The following FOCAD variants were observed in gnomAD, a reference collection of about 807,000 sequenced individuals.
The protein encoded by FOCAD is KIAA1797.
A neutral mutation model predicts 225.6 loss-of-function variants in FOCAD; 198 were observed. The observed-to-expected ratio is 0.88, with a 90% CI of 0.78 to 0.99. FOCAD has a LOEUF of 0.99. Ranked by LOEUF, FOCAD falls within the 50% of genes least tolerant of loss-of-function variation. FOCAD has a pLI of 0.00. For missense variants in FOCAD, 2,713 were observed against 2,123.6 expected, an observed-to-expected ratio of 1.28 and a Z score of -5.46; for synonymous variants, 897 against 755.0, an observed-to-expected ratio of 1.19 and a Z score of -3.08.
At chr9:20,844,822 A>G (rs535902573) in intron 15 of FOCAD, among the ~76,000 whole-genome samples, 1 of 152,250 alleles carries the variant, frequency 6.6e-6, no homozygotes, top group South Asian at 2.1e-4. Flanking sequence ...TAAGTTAATA[A>G]TGAAGTTAAT....
At chr9:20,762,459 G>A (rs1326552249) in intron 6 of FOCAD, among the ~76,000 whole-genome samples, 1 of 152,058 alleles carries the variant, frequency 6.6e-6, no homozygotes, top group Non-Finnish European at 1.5e-5. Context: ...TTTATTTCTT[G>A]TTTTGTTTCC....
At chr9:20,761,589 T>G (rs1402967100) in intron 6 of FOCAD, among the ~76,000 whole-genome samples, 1 of 151,864 alleles carries the variant, frequency 6.6e-6, no homozygotes, top group Non-Finnish European at 1.5e-5. Context: ...CCTGGCTAAT[T>G]TTTTGTATTT....
At chr9:20,775,726 T>A (rs1334408025) in intron 8 of FOCAD, among the ~76,000 whole-genome samples, 1 of 152,164 alleles carries the variant, frequency 6.6e-6, no homozygotes, top group East Asian at 1.9e-4. Flanking sequence ...GCCTGGTGCA[T>A]AGGTGATGTT....
At position 20,688,319 on chromosome 9, in the gene FOCAD, T is replaced by G. The variant is rs1461551947; in HGVS notation, c.-33+4026T>G. ...AGAAGAGGATGAATTCCAGATATAT[T>G]AAGGTGATTGAGTTAGTGGCCAGAT... is the stretch of plus-strand genomic sequence containing the variant. On this transcript the variant is annotated intron_variant, in intron 1 of 43. Transcript: ENST00000338382. Among the ~76,000 whole-genome samples the G allele has an allele frequency of 2.6e-5, 4 of 152,162 alleles. No individual in the cohort carries two copies. In the East Asian group the frequency reaches 7.7e-4, roughly 29 times the overall value.
chr9:20,698,218 T>G lies in FOCAD; in HGVS notation c.-33+13925T>G, dbSNP rs1463936397. On this transcript the variant is annotated intron_variant, in intron 1 of 43. Transcript: ENST00000338382. ...CCCATTGTAAGAACAAAATTAAAAG[T>G]AGCAAAGGCGGAATACAGTAGGTTA... Among the ~76,000 whole-genome samples, 5 of 152,314 alleles carry G rather than the reference T, an allele frequency of 3.3e-5. No homozygotes were observed. In the East Asian group the frequency reaches 9.6e-4, roughly 29 times the overall value.
chr9:20,918,254 G>A (rs1171589066), intron 24 of FOCAD, among the ~76,000 whole-genome samples: 1 of 152,152 alleles, frequency 6.6e-6, no homozygotes, highest in Non-Finnish European at 1.5e-5. Context: ...TTCTCCTAAA[G>A]CAAATTATAA....
intron 4 of FOCAD, among the ~76,000 whole-genome samples, chr9:20,732,656 T>G (rs988096048): frequency 6.6e-6 from 1 of 152,078 alleles, no homozygotes; most frequent in Non-Finnish European, 1.5e-5. Flanking sequence ...GTATGAAGAT[T>G]AAAATGGAAA....
chr9:20,953,886 A>G (rs1837908757), intron 35 of FOCAD, among the ~76,000 whole-genome samples: 1 of 152,192 alleles, frequency 6.6e-6, no homozygotes, highest in African/African-American at 2.4e-5. Context: ...TTAGAAAGGA[A>G]AAAAATAAAC....
At position 20,953,847 on chromosome 9, in the gene FOCAD, G is replaced by A. The variant is rs117636583; in HGVS notation, c.4132+782G>A. Among the ~76,000 whole-genome samples, 1,201 of 152,088 alleles carry A rather than the reference G, an allele frequency of 7.9e-3. 12 individuals are homozygous for A. The highest frequency in any genetic ancestry group is 0.014 in the Non-Finnish European group (938 of 67,988). On this transcript the variant is annotated intron_variant, in intron 35 of 43. Coordinates refer to ENST00000338382, the MANE Select transcript of FOCAD (RefSeq NM_001375567.1). Reference sequence around the variant, plus strand: ...TTAGGTCAGTCTGGGCAAAATCAGTGCCTGTATTATAGCAAGACCATCCCA... The same window carrying A: ...TTAGGTCAGTCTGGGCAAAATCAGTACCTGTATTATAGCAAGACCATCCCA...
chr9:20,850,561 C>T (rs1827545657), intron 15 of FOCAD, among the ~76,000 whole-genome samples: 1 of 151,706 alleles, frequency 6.6e-6, no homozygotes, highest in Non-Finnish European at 1.5e-5. Flanking sequence ...AAATCTTTTG[C>T]AGTCTTTATA....
At chr9:20,922,906 C>T (rs1380148876) in intron 24 of FOCAD, among the ~76,000 whole-genome samples, 3 of 152,076 alleles carry the variant, frequency 2.0e-5, no homozygotes, top group Non-Finnish European at 4.4e-5. Context: ...TGTACATTTT[C>T]AAGTGGTAAG....
At chr9:20,678,454 C>T (rs1001351176) in intron 2 of FOCAD, among the ~76,000 whole-genome samples, 4 of 152,150 alleles carry the variant, frequency 2.6e-5, no homozygotes, top group East Asian at 3.8e-4. Context: ...CCTAGGAAAC[C>T]ACAGGATCCT....
At chr9:20,817,930 A>G (rs1427054041) in intron 11 of FOCAD, among the ~76,000 whole-genome samples, 2 of 152,154 alleles carry the variant, frequency 1.3e-5, no homozygotes, top group Non-Finnish European at 2.9e-5. Flanking sequence ...TCACATGGTA[A>G]TTCTATGTTT....
intron 8 of FOCAD, among the ~76,000 whole-genome samples, chr9:20,777,679 A>G: frequency 6.6e-6 from 1 of 152,328 alleles, no homozygotes; most frequent in Non-Finnish European, 1.5e-5. Flanking sequence ...AAATTTGTTT[A>G]GTGTAATTCA....
At chr9:20,656,926 T>C (rs1236576737), upstream of FOCAD, among the ~76,000 whole-genome samples, 2 of 151,756 alleles carry the variant, frequency 1.3e-5, no homozygotes, top group Admixed American at 1.3e-4. Flanking sequence ...CGGTTGTTCC[T>C]TTCCATGTTT....
intron 18 of FOCAD, among the ~76,000 whole-genome samples, chr9:20,868,711 T>G (rs1829500411): frequency 6.6e-6 from 1 of 152,090 alleles, no homozygotes. Flanking sequence ...TTTCAGCTTT[T>G]TTTTTTTCTT....
intron 37 of FOCAD, among the ~76,000 whole-genome samples, chr9:20,981,153 A>C (rs549224857): frequency 6.6e-6 from 1 of 152,344 alleles, no homozygotes; most frequent in South Asian, 2.1e-4. Flanking sequence ...CCTTGAAAAC[A>C]TCCAAGGTTT....
At chr9:20,858,689 G>C (rs576023644) in intron 15 of FOCAD, among the ~76,000 whole-genome samples, 2 of 152,114 alleles carry the variant, frequency 1.3e-5, no homozygotes, top group East Asian at 3.9e-4. Flanking sequence ...TAGGTGGTTT[G>C]TTTGAAGTTT....
chr9:20,991,403 A>T (rs1475520959), intron 42 of FOCAD, among the ~76,000 whole-genome samples: 1 of 152,218 alleles, frequency 6.6e-6, no homozygotes, highest in African/African-American at 2.4e-5. Context: ...CTGTAGACCC[A>T]TAGTTTAGCT....
Sources: gnomAD v4.1 joint callset for allele counts (sites outside exome capture counted in the v4.1 genomes callset) on GRCh38, gnomAD v4.1.1 for gene constraint, MANE v1.5 for transcripts, NCBI Gene and HGNC (gene_info 2026-07-23, HGNC 2026-07-21) for gene names.